TFIP11: variants seen among roughly 807,000 people sequenced by gnomAD.
The protein encoded by TFIP11 is tuftelin interacting protein 11, also known as tuftelin-interacting protein 11.
Under a neutral mutation model 96.8 loss-of-function variants are expected in TFIP11, and 86 were observed. That is an observed-to-expected ratio of 0.89 (90% CI 0.75 to 1.06). The LOEUF (loss-of-function observed/expected upper bound fraction) is 1.06. Ranked by LOEUF, TFIP11 falls within the 50% of genes least tolerant of loss-of-function variation. TFIP11 has a pLI of 0.00. For synonymous variants in TFIP11, 405 were observed against 395.2 expected (o/e 1.02, Z -0.29); for missense variants, 881 against 1,076.7 (o/e 0.82, Z 2.54).
chr22:26,508,852 A>G (rs1475287111), intron 4 of TFIP11, among the ~76,000 whole-genome samples: 1 of 152,048 alleles, frequency 6.6e-6, no homozygotes, highest in East Asian at 1.9e-4. Flanking sequence ...TCAAAAAAAA[A>G]AAAAAGAAAA....
At chr22:26,495,225 G>C (rs1921777999) in intron 12 of TFIP11, among the ~76,000 whole-genome samples, 1 of 137,236 alleles carries the variant, frequency 7.3e-6, no homozygotes, top group Non-Finnish European at 1.5e-5. Context: ...GCCTCCCAAA[G>C]GGCTGGGATT....
At chr22:26,505,684 T>G (rs1923306780) in intron 6 of TFIP11, among the ~76,000 whole-genome samples, 1 of 145,790 alleles carries the variant, frequency 6.9e-6, no homozygotes, top group Non-Finnish European at 1.5e-5. Context: ...TTCATTTTTG[T>G]TTTTATTTAT....
chr22:26,498,968 G>A lies in TFIP11; in HGVS notation c.1337C>T (p.Thr446Ile), dbSNP rs1487797556. 2 of 1,614,014 alleles carry A rather than the reference G, an allele frequency of 1.2e-6. No homozygotes were observed. The highest frequency in any genetic ancestry group is 1.7e-6 in the Non-Finnish European group (2 of 1,179,984). ...FKEWDPLKDC[T>I]YGTEIISKWK... ...CTTAGAGATGATCTCGGTGCCATAA[G>A]TGCAGTCCTGAGGAGAAAGGTGAGC... Residue 446 changes from threonine (T) to isoleucine (I), a missense_variant, in exon 10 of 15, where the codon ACT becomes ATT. Physicochemically the swap from Thr to Ile is moderately conservative, Grantham distance 89 (BLOSUM62 -1). Transcript: ENST00000407690.
At chr22:26,504,507 G>C (rs147154401) in intron 6 of TFIP11, among the ~76,000 whole-genome samples, 1 of 151,740 alleles carries the variant, frequency 6.6e-6, no homozygotes, top group East Asian at 2.0e-4. Context: ...AACATAGTAA[G>C]ACCCCATCTA....
chr22:26,507,621 C>A (rs1923574577), intron 4 of TFIP11, among the ~76,000 whole-genome samples: 1 of 121,946 alleles, frequency 8.2e-6, no homozygotes, highest in Non-Finnish European at 1.7e-5. Flanking sequence ...AAGAGTGAGA[C>A]CTTATCTCCA....
In TFIP11 at chr22:26,491,828, G is replaced by A. The variant is rs115358886; in HGVS notation, c.*185C>T. On this transcript the variant is annotated 3_prime_UTR_variant, in exon 15 of 15. Transcript: ENST00000407690. The stretch of plus-strand genomic sequence containing the variant: ...AGGACGATACCCCACATGAGGACTT[G>A]GTATAAAGATTCCTGCCCTACGTGG... 4.4e-6 allele frequency: 4 copies of A among 912,842 alleles called. No homozygotes were observed. In the African/African-American group the frequency reaches 6.7e-5, roughly 15 times the overall value. The allele number at this position is 912,842 out of a possible 1,614,324, so 56.5% of individuals were successfully genotyped here. A position where few individuals can be genotyped will look rare whatever the true frequency, so the allele number is the denominator to read the frequency against.
At chr22:26,492,445 G>A in intron 14 of TFIP11, 77 bp from the exon 15 acceptor site, 18 of 1,373,748 alleles carry the variant, frequency 1.3e-5, no homozygotes, top group South Asian at 2.6e-5. Context: ...CTTGGCCCAG[G>A]TCTTGGGTGT....
At chr22:26,505,434 G>A (rs1435641168) in intron 6 of TFIP11, among the ~76,000 whole-genome samples, 1 of 152,148 alleles carries the variant, frequency 6.6e-6, no homozygotes, top group African/African-American at 2.4e-5. Context: ...AGGACAAATA[G>A]GGTTATTTCC....
In TFIP11 at chr22:26,491,355, T is replaced by C; in HGVS notation, c.*658A>G. The C allele has an allele frequency of 1.0e-6, 1 of 965,630 alleles. No homozygotes were observed. The allele number at this position is 965,630 out of a possible 1,614,324, so 59.8% of individuals were successfully genotyped here. Reference sequence around the variant, plus strand: ...TAAATCAAAATACCCTATTTGTTATTTTTTTAAAAAGTAAAGTGGGGATGA... The same window carrying C: ...TAAATCAAAATACCCTATTTGTTATCTTTTTAAAAAGTAAAGTGGGGATGA... On this transcript the variant is annotated 3_prime_UTR_variant, in exon 15 of 15. Coordinates refer to ENST00000407690, the MANE Select transcript of TFIP11 (RefSeq NM_012143.4).
Position 26,498,921 on chromosome 22 carries a change from C to T in TFIP11, c.1384G>A (p.Asp462Asn), listed in dbSNP as rs757757926. The T allele has an allele frequency of 6.2e-7, 1 of 1,613,914 alleles. No homozygotes were observed. The highest frequency in any genetic ancestry group is 8.5e-7 in the Non-Finnish European group (1 of 1,179,988). Residue 462 changes from aspartate (D) to asparagine (N), a missense_variant, in exon 10 of 15, where the codon GAC becomes AAC. Transcript: ENST00000407690. Reference protein sequence around the residue: ...ISKWKSLLENDQLLSHGGQDL... With the variant: ...ISKWKSLLENNQLLSHGGQDL... The stretch of plus-strand genomic sequence containing the variant: ...TGTCCGCCATGGGACAAGAGCTGGT[C>T]ATTCTCTAGGAGGCTTTTCCACTTA...
At chr22:26,506,235 C>T (rs1923387878) in intron 6 of TFIP11, 68 bp downstream of exon 6, 1 of 1,471,804 alleles carries the variant, frequency 6.8e-7, no homozygotes, top group Non-Finnish European at 9.0e-7. Context: ...CAAACCTCCT[C>T]TCCCAACGCC....
At chr22:26,508,729 C>T (rs1923707019) in intron 4 of TFIP11, among the ~76,000 whole-genome samples, 1 of 152,032 alleles carries the variant, frequency 6.6e-6, no homozygotes, top group Admixed American at 6.5e-5. Flanking sequence ...CCTGTAGTCC[C>T]AGCTACTCGG....
rs1284652092 is a variant in TFIP11, at chr22:26,503,744, C to T, written c.570G>A (p.Val190=). The T allele has an allele frequency of 6.2e-7, 1 of 1,613,960 alleles. No individual in the cohort carries two copies. Among genetic ancestry groups the T allele is most frequent in the Admixed American group, 1.7e-5 (1 of 59,994 alleles). Reference sequence around the variant, plus strand: ...TGGTGCGCTCGGATCCATAAGCCCCCACAGCACCTTTTCCCTTTCTCTGCT... The same window carrying T: ...TGGTGCGCTCGGATCCATAAGCCCCTACAGCACCTTTTCCCTTTCTCTGCT... The part of the protein sequence containing the change: ...EAKQRKGKGA[V]GAYGSERTTQ... Residue 190 remains valine (V), a synonymous_variant, in exon 7 of 15, where the codon GTG becomes GTA. Coordinates refer to ENST00000407690, the MANE Select transcript of TFIP11 (RefSeq NM_012143.4).
intron 8 of TFIP11, 122 bp from the exon 9 acceptor site, chr22:26,499,753 G>C: frequency 9.6e-7 from 1 of 1,045,928 alleles, no homozygotes; most frequent in South Asian, 1.6e-5. Context: ...CAACAGAGCT[G>C]GAGAAGGGCA....
At position 26,491,343 on chromosome 22, in the gene TFIP11, C is replaced by G; in HGVS notation, c.*670G>C. 3 of 855,956 alleles carry G rather than the reference C, an allele frequency of 3.5e-6. No homozygotes were observed. The highest frequency in any genetic ancestry group is 1.7e-5 in the South Asian group (1 of 58,616). 53.0% of individuals were successfully genotyped at this position (855,956 alleles called of 1,614,324 possible). A position where few individuals can be genotyped will look rare whatever the true frequency, so the allele number is the denominator to read the frequency against. On this transcript the variant is annotated 3_prime_UTR_variant, in exon 15 of 15. Transcript: ENST00000407690. ...TGCAAAAGCATTTAAATCAAAATAC[C>G]CTATTTGTTATTTTTTTAAAAAGTA...
intron 10 of TFIP11, among the ~76,000 whole-genome samples, chr22:26,497,615 C>A (rs1228789626): frequency 6.6e-6 from 1 of 152,212 alleles, no homozygotes. Context: ...CGGAGGCTCA[C>A]GCCTGTAATT....
chr22:26,510,266 A>G lies in TFIP11; in HGVS notation c.7T>C (p.Leu3=). MS[L]SHLYRDGEGR... ...TCCCCATCCCGGTATAAGTGGGACA[A>G]TGACATGGCCAGTCACTAAAGGAAG... is the stretch of plus-strand genomic sequence containing the variant. The change falls in exon 4 of 15, where the codon TTG becomes CTG. Residue 3 remains leucine (L), a synonymous_variant. Transcript: ENST00000407690. 6.2e-7 allele frequency: 1 copy of G among 1,614,164 alleles called. No individual in the cohort carries two copies. The highest frequency in any genetic ancestry group is 8.5e-7 in the Non-Finnish European group (1 of 1,180,036).
At chr22:26,495,223 A>C (rs2147122077) in intron 12 of TFIP11, among the ~76,000 whole-genome samples, 1 of 142,664 alleles carries the variant, frequency 7.0e-6, no homozygotes, top group African/African-American at 2.6e-5. Context: ...CAGCCTCCCA[A>C]AGGGCTGGGA....
intron 12 of TFIP11, among the ~76,000 whole-genome samples, chr22:26,495,866 G>A (rs566616054): frequency 1.3e-5 from 2 of 152,112 alleles, no homozygotes; most frequent in Non-Finnish European, 2.9e-5. Flanking sequence ...TCGACTATTA[G>A]TGACTGTTGT....
Sources: allele counts gnomAD v4.1 joint callset (sites outside exome capture counted in the v4.1 genomes callset), GRCh38; gene constraint gnomAD v4.1.1; transcripts MANE v1.5; gene names NCBI Gene and HGNC (gene_info 2026-07-23, HGNC 2026-07-21).